The following RIN2 variants were observed in gnomAD, a reference collection of about 807,000 sequenced individuals.
RIN2 encodes RAB5 interacting protein 2.
Under a neutral mutation model 78.0 loss-of-function variants are expected in RIN2, and 36 were observed. The observed-to-expected ratio is 0.46, with a 90% CI of 0.35 to 0.61. RIN2 has a LOEUF of 0.61. Among genes scored for constraint, RIN2 ranks in the 20% least tolerant of loss-of-function variants. The pLI is 0.00. For missense variants in RIN2, 1,087 were observed against 1,159.7 expected, an observed-to-expected ratio of 0.94 and a Z score of 0.91; for synonymous variants, 466 against 466.8, an observed-to-expected ratio of 1.00 and a Z score of 0.02.
chr20:19,849,961 C>T (rs372012870), intron 2 of RIN2, among the ~76,000 whole-genome samples: 21 of 152,180 alleles, frequency 1.4e-4, no homozygotes, highest in African/African-American at 4.6e-4. Context: ...GAACAAGTTC[C>T]TTTCTCCTGA....
intron 2 of RIN2, among the ~76,000 whole-genome samples, chr20:19,821,431 C>A (rs957811555): frequency 6.6e-6 from 1 of 152,098 alleles, no homozygotes; most frequent in Non-Finnish European, 1.5e-5. Flanking sequence ...GCTTGGCCAT[C>A]CACAATGTCA....
chr20:19,889,357 T>G (rs1600705810), intron 2 of RIN2: 3 of 1,237,296 alleles, frequency 2.4e-6, no homozygotes, highest in Non-Finnish European at 2.0e-6. Context: ...AGGTGGGAGG[T>G]GGGCTGGCGA....
At chr20:19,874,725 G>A (rs2037802706) in intron 2 of RIN2, among the ~76,000 whole-genome samples, 1 of 152,190 alleles carries the variant, frequency 6.6e-6, no homozygotes, top group Non-Finnish European at 1.5e-5. Context: ...GAGCAGAGGA[G>A]TGTAATGAGA....
intron 3 of RIN2, among the ~76,000 whole-genome samples, chr20:19,898,233 G>C (rs1201665585): frequency 6.6e-6 from 1 of 152,158 alleles, no homozygotes; most frequent in African/African-American, 2.4e-5. Flanking sequence ...AACAGCATGT[G>C]TCGTTCCAAC....
At chr20:19,954,570 A>G (rs2041455098) in intron 4 of RIN2, among the ~76,000 whole-genome samples, 1 of 151,906 alleles carries the variant, frequency 6.6e-6, no homozygotes, top group Non-Finnish European at 1.5e-5. Flanking sequence ...CTGAGCTAAG[A>G]CTCCTGGTCC....
chr20:19,887,360 A>G (rs1057106577), intron 2 of RIN2, among the ~76,000 whole-genome samples: 1 of 152,132 alleles, frequency 6.6e-6, no homozygotes, highest in Non-Finnish European at 1.5e-5. Context: ...TTAAAATAAT[A>G]ATAAGCTATG....
intron 3 of RIN2, among the ~76,000 whole-genome samples, chr20:19,930,514 A>T (rs1371800932): frequency 6.6e-6 from 1 of 152,208 alleles, no homozygotes; most frequent in Non-Finnish European, 1.5e-5. Context: ...TTTTATGTTC[A>T]AATCAGTATG....
intron 2 of RIN2, among the ~76,000 whole-genome samples, chr20:19,881,048 A>G (rs4814918): frequency 0.16 from 24,802 of 152,206 alleles, 2,549 homozygotes; most frequent in East Asian, 0.29. Context: ...CAGTCTAGAG[A>G]TCTAGTTTCT....
chr20:19,918,351 C>A (rs1373627126), intron 3 of RIN2, among the ~76,000 whole-genome samples: 1 of 121,806 alleles, frequency 8.2e-6, no homozygotes, highest in Admixed American at 8.9e-5. Flanking sequence ...CATACAAATA[C>A]ATTGTGTGTG....
At chr20:19,764,433 G>A (rs2033778999) in intron 1 of RIN2, among the ~76,000 whole-genome samples, 1 of 152,206 alleles carries the variant, frequency 6.6e-6, no homozygotes, top group African/African-American at 2.4e-5. Flanking sequence ...CGTCTATGCA[G>A]GACCTAGCAG....
intron 1 of RIN2, among the ~76,000 whole-genome samples, chr20:19,796,239 C>A (rs185268602): frequency 6.6e-6 from 1 of 152,244 alleles, no homozygotes; most frequent in Admixed American, 6.5e-5. Flanking sequence ...AAATGGGCCT[C>A]TATATGGACT....
At chr20:19,896,769 A>C (rs2038748681) in intron 3 of RIN2, among the ~76,000 whole-genome samples, 1 of 152,216 alleles carries the variant, frequency 6.6e-6, no homozygotes, top group African/African-American at 2.4e-5. Flanking sequence ...AGAGCATAGA[A>C]ACAATAGCAC....
intron 2 of RIN2, among the ~76,000 whole-genome samples, chr20:19,866,455 G>T (rs1360478787): frequency 3.3e-5 from 5 of 152,136 alleles, no homozygotes; most frequent in Non-Finnish European, 7.4e-5. Flanking sequence ...ACTCCACAGG[G>T]CTGGGGAGTG....
chr20:19,986,098 G>A lies in RIN2; in HGVS notation c.1763-3908G>A, dbSNP rs1436391723. 2.0e-5 allele frequency among the ~76,000 whole-genome samples: 3 copies of A among 152,156 alleles called. No individual in the cohort carries two copies. The East Asian group carries it at 5.8e-4, about 29-fold the overall frequency. On this transcript the variant is annotated intron_variant, in intron 9 of 12. Transcript: ENST00000255006. ...GCAAAAAGAGATCATAGAAAAAAAT[G>A]GAGAGTAGTAATTTATGAGAAATGT...
At position 19,933,691 on chromosome 20, in the gene RIN2, C is replaced by T. The variant is rs193022165; in HGVS notation, c.58-1408C>T. On this transcript the variant is annotated intron_variant, in intron 3 of 12. Coordinates refer to ENST00000255006, the MANE Select transcript of RIN2 (RefSeq NM_018993.4). ...AAGCTTTAAGCGCAAGTGAAGTTTC[C>T]CTCCCAGAGTCTGGGTGGGATAAAA... Among the ~76,000 whole-genome samples, 29 of 152,278 alleles carry T rather than the reference C, an allele frequency of 1.9e-4. No homozygotes were observed. In the East Asian group the frequency reaches 5.6e-3, roughly 29 times the overall value.
chr20:19,813,708 C>A (rs1421301754), intron 2 of RIN2, among the ~76,000 whole-genome samples: 1 of 145,052 alleles, frequency 6.9e-6, no homozygotes, highest in Non-Finnish European at 1.5e-5. Flanking sequence ...TGTTCTGTAA[C>A]AAACATGTAT....
At chr20:19,768,984 C>A (rs1329213533) in intron 1 of RIN2, among the ~76,000 whole-genome samples, 2 of 149,178 alleles carry the variant, frequency 1.3e-5, no homozygotes, top group African/African-American at 5.0e-5. Context: ...TACAAAGTCG[C>A]ACTCTCGGCT....
chr20:19,915,783 A>G (rs1398007617), intron 3 of RIN2, among the ~76,000 whole-genome samples: 4 of 152,110 alleles, frequency 2.6e-5, no homozygotes, highest in African/African-American at 7.2e-5. Context: ...AACCAACTCT[A>G]TGTGCTCAGA....
At chr20:19,823,779 G>A in intron 2 of RIN2, 1 of 1,598,230 alleles carries the variant, frequency 6.3e-7, no homozygotes, top group Non-Finnish European at 8.5e-7. Context: ...TAATCCTCAG[G>A]CCCTTCCAGT....
Sources: gnomAD v4.1 joint callset for allele counts (sites outside exome capture counted in the v4.1 genomes callset) on GRCh38, gnomAD v4.1.1 for gene constraint, MANE v1.5 for transcripts, NCBI Gene and HGNC (gene_info 2026-07-23, HGNC 2026-07-21) for gene names.